CSMD2: variants seen among roughly 807,000 people sequenced by gnomAD.
The protein encoded by CSMD2 is CUB and sushi domain-containing protein 2.
A neutral mutation model predicts 398.5 loss-of-function variants in CSMD2; 130 were observed. The ratio of observed to expected loss-of-function variants is 0.33; its 90% CI spans 0.28 to 0.38. The LOEUF is 0.38. CSMD2 is among the 10% of genes least tolerant of loss of function. The pLI is 1.00. For synonymous variants in CSMD2, 1,828 were observed against 1,908.5 expected, an observed-to-expected ratio of 0.96 and a Z score of 1.10; for missense variants, 3,829 against 4,764.9, an observed-to-expected ratio of 0.80 and a Z score of 5.78.
At chr1:33,593,811 G>A (rs1570867215) in intron 44 of CSMD2, among the ~76,000 whole-genome samples, 2 of 152,158 alleles carry the variant, frequency 1.3e-5, no homozygotes, top group East Asian at 3.9e-4. Context: ...TCCCTACATA[G>A]TTTCCTTTGT....
At chr1:34,114,314 T>C (rs1429184611) in intron 1 of CSMD2, among the ~76,000 whole-genome samples, 1 of 151,752 alleles carries the variant, frequency 6.6e-6, no homozygotes, top group African/African-American at 2.4e-5. Context: ...TTGTTGTTGT[T>C]GTTGTTTTTC....
In CSMD2 at chr1:33,970,314, T is replaced by C. The variant is rs185384931; in HGVS notation, c.518-34360A>G. ...GGCAATAGCAGGCCCCATGTGGTGA[T>C]GGTGCCCAAGACTCAATCCCCTCCC... On this transcript the variant is annotated intron_variant, in intron 3 of 70. Transcript: ENST00000373381. 2.6e-5 allele frequency among the ~76,000 whole-genome samples: 4 copies of C among 152,264 alleles called. No individual in the cohort carries two copies. In the East Asian group the frequency reaches 7.8e-4, roughly 30 times the overall value.
intron 2 of CSMD2, among the ~76,000 whole-genome samples, chr1:34,062,099 G>A (rs1654581552): frequency 6.6e-6 from 1 of 152,192 alleles, no homozygotes; most frequent in Non-Finnish European, 1.5e-5. Context: ...CAGGATACAT[G>A]TGGCTCTTTG....
intron 21 of CSMD2, among the ~76,000 whole-genome samples, chr1:33,713,283 G>T (rs1646051996): frequency 6.6e-6 from 1 of 152,178 alleles, no homozygotes; most frequent in Non-Finnish European, 1.5e-5. Flanking sequence ...ATAGCCTGAG[G>T]GCTCCATGGA....
In CSMD2 at chr1:33,589,029, T is replaced by C. The variant is rs578254330; in HGVS notation, c.6857-1861A>G. On this transcript the variant is annotated intron_variant, in intron 44 of 70. Transcript: ENST00000373381. Reference sequence around the variant, plus strand: ...ATTTATTGAAAATGGTGTACTATGTTTTGGGGGATCTAACTGTAAATGTTT... The same window carrying C: ...ATTTATTGAAAATGGTGTACTATGTCTTGGGGGATCTAACTGTAAATGTTT... Among the ~76,000 whole-genome samples the C allele has an allele frequency of 2.0e-5, 3 of 152,308 alleles. No homozygotes were observed. The South Asian group carries it at 6.2e-4, about 32-fold the overall frequency.
intron 1 of CSMD2, among the ~76,000 whole-genome samples, chr1:34,103,542 A>G (rs187921890): frequency 1.6e-3 from 241 of 151,882 alleles, no homozygotes; most frequent in African/African-American, 4.9e-3. Context: ...CGATTCGCCC[A>G]CCTCGGCCTC....
At chr1:33,816,351 C>T (rs1365622915) in intron 9 of CSMD2, among the ~76,000 whole-genome samples, 1 of 152,104 alleles carries the variant, frequency 6.6e-6, no homozygotes, top group African/African-American at 2.4e-5. Flanking sequence ...CACAAGAAAT[C>T]AGAGCTGGTT....
chr1:34,162,931 T>C (rs1015920219), intron 1 of CSMD2, among the ~76,000 whole-genome samples: 1 of 152,144 alleles, frequency 6.6e-6, no homozygotes, highest in Non-Finnish European at 1.5e-5. Flanking sequence ...GAGCAGGGCC[T>C]GCCGGAGAGG....
chr1:33,558,679 C>T (rs1400518200), intron 54 of CSMD2, among the ~76,000 whole-genome samples: 1 of 152,136 alleles, frequency 6.6e-6, no homozygotes, highest in African/African-American at 2.4e-5. Flanking sequence ...CCTCTAAAAG[C>T]GTTAGAAGCT....
intron 2 of CSMD2, among the ~76,000 whole-genome samples, chr1:34,045,955 G>A (rs957551514): frequency 2.0e-5 from 3 of 152,216 alleles, no homozygotes; most frequent in Admixed American, 1.3e-4. Flanking sequence ...GTTCCCAAAC[G>A]GTGCACCAAG....
intron 10 of CSMD2, among the ~76,000 whole-genome samples, chr1:33,808,518 T>C (rs749848787): frequency 6.6e-6 from 1 of 151,832 alleles, no homozygotes; most frequent in East Asian, 1.9e-4. Context: ...GAAACAATAA[T>C]GTAAATTAAA....
At chr1:33,824,519 G>A (rs10798996) in intron 7 of CSMD2, among the ~76,000 whole-genome samples, 7 of 151,924 alleles carry the variant, frequency 4.6e-5, no homozygotes, top group Non-Finnish European at 1.0e-4. Flanking sequence ...TTCAGTCGGA[G>A]CCTGAGACCA....
chr1:34,119,411 T>C lies in CSMD2; in HGVS notation c.188-30218A>G, dbSNP rs564242259. ...CAAGCACAGGCAACAAAAGCAAAAA[T>C]AGACAAACGAAACTACATCAAACTT... On this transcript the variant is annotated intron_variant, in intron 1 of 70. Coordinates refer to ENST00000373381, the MANE Select transcript of CSMD2 (RefSeq NM_001281956.2). 9.2e-5 allele frequency among the ~76,000 whole-genome samples: 14 copies of C among 152,150 alleles called. No homozygotes were observed. The South Asian group carries it at 2.5e-3, about 27-fold the overall frequency.
At chr1:34,134,611 A>G (rs1460207656) in intron 1 of CSMD2, among the ~76,000 whole-genome samples, 1 of 152,114 alleles carries the variant, frequency 6.6e-6, no homozygotes, top group East Asian at 1.9e-4. Flanking sequence ...TATGCAAAAA[A>G]TAAAATAAAG....
At position 33,559,452 on chromosome 1, in the gene CSMD2, C is replaced by T; in HGVS notation, c.8402G>A (p.Gly2801Asp). The T allele has an allele frequency of 6.5e-7, 1 of 1,536,174 alleles. No individual in the cohort carries two copies. Among genetic ancestry groups the T allele is most frequent in the Non-Finnish European group, 8.7e-7 (1 of 1,146,908 alleles). ...FCVPITCGHPGNPVNGLTQGN... is the reference protein window; with the variant it reads ...FCVPITCGHPDNPVNGLTQGN... ...CTGAGTGAGGCCGTTGACAGGGTTGCCTGGGTGTCCACAGGTAATTGCTGT... is the reference window on the plus strand; with the variant it reads ...CTGAGTGAGGCCGTTGACAGGGTTGTCTGGGTGTCCACAGGTAATTGCTGT... Residue 2801 changes from glycine (G) to aspartate (D), a missense_variant, in exon 54 of 71, where the codon GGC becomes GAC. This residue lies in a region of CSMD2 where 917 missense variants were observed against 1,199.5 expected (regional missense o/e 0.76). Transcript: ENST00000373381. The surrounding 1 kb of genome is among the most constrained non-coding windows in gnomAD (Gnocchi z 4.0).
At chr1:33,917,610 C>A (rs993669170) in intron 5 of CSMD2, among the ~76,000 whole-genome samples, 1 of 152,156 alleles carries the variant, frequency 6.6e-6, no homozygotes, top group Non-Finnish European at 1.5e-5. Flanking sequence ...TAAGTCCTAC[C>A]CTTCAGACAC....
At chr1:33,852,495 C>T (rs1188739662) in intron 5 of CSMD2, among the ~76,000 whole-genome samples, 2 of 152,242 alleles carry the variant, frequency 1.3e-5, no homozygotes, top group African/African-American at 4.8e-5. Context: ...TTCCCTCTAC[C>T]TGTAATGCCC....
intron 1 of CSMD2, among the ~76,000 whole-genome samples, chr1:34,115,125 T>C (rs563403493): frequency 1.2e-4 from 18 of 151,592 alleles, no homozygotes; most frequent in African/African-American, 3.9e-4. Context: ...AATAGACCAA[T>C]ATGTGTGTTA....
intron 5 of CSMD2, among the ~76,000 whole-genome samples, chr1:33,856,723 AC>A (rs1639122980): frequency 6.6e-6 from 1 of 151,946 alleles, no homozygotes; most frequent in African/African-American, 2.4e-5. Flanking sequence ...GAGCTGCCCA[AC>A]AGCTGGAGGA....
Sources: allele counts gnomAD v4.1 joint callset (sites outside exome capture counted in the v4.1 genomes callset), GRCh38; gene constraint gnomAD v4.1.1; regional missense constraint gnomAD v4.1.1; non-coding constraint Gnocchi (gnomAD v3.1); transcripts MANE v1.5; gene names NCBI Gene and HGNC (gene_info 2026-07-23, HGNC 2026-07-21).